The following DPP10 variants were observed in gnomAD, a reference collection of about 807,000 sequenced individuals.
The protein encoded by DPP10 is dipeptidyl peptidase like 10, also known as inactive dipeptidyl peptidase 10.
In DPP10, 33 loss-of-function variants were observed where a neutral mutation model predicts 120.9. The ratio of observed to expected loss-of-function variants is 0.27; its 90% CI spans 0.21 to 0.37. DPP10 has a LOEUF of 0.37. Among genes scored for constraint, DPP10 ranks in the 10% least tolerant of loss-of-function variants. DPP10 has a pLI of 1.00. For synonymous variants in DPP10, 337 were observed against 326.1 expected (o/e 1.03, Z -0.36); for missense variants, 816 against 942.8 (o/e 0.87, Z 1.76).
chr2:115,577,971 C>T (rs74942327), intron 5 of DPP10, among the ~76,000 whole-genome samples: 2,264 of 152,268 alleles, frequency 0.015, 26 homozygotes, highest in Non-Finnish European at 0.02. Flanking sequence ...AACATTATTA[C>T]AATTATTAAT....
At chr2:114,454,972 A>G (rs552904039) in intron 1 of DPP10, among the ~76,000 whole-genome samples, 4 of 152,120 alleles carry the variant, frequency 2.6e-5, no homozygotes, top group Admixed American at 6.5e-5. Flanking sequence ...TTGCTAAATA[A>G]ATGAGTGAGT....
At chr2:115,617,849 T>G (rs1416341312) in intron 5 of DPP10, among the ~76,000 whole-genome samples, 1 of 152,198 alleles carries the variant, frequency 6.6e-6, no homozygotes, top group Non-Finnish European at 1.5e-5. Flanking sequence ...AGATATAAAT[T>G]ACACACAGTA....
intron 1 of DPP10, among the ~76,000 whole-genome samples, chr2:114,495,640 T>A (rs183797419): frequency 4.9e-4 from 75 of 152,326 alleles, no homozygotes; most frequent in African/African-American, 1.8e-3. Flanking sequence ...TCTGTAAGTA[T>A]GCCAAAAGAA....
chr2:115,630,434 A>G (rs552371579), intron 5 of DPP10, among the ~76,000 whole-genome samples: 47 of 152,278 alleles, frequency 3.1e-4, no homozygotes, highest in African/African-American at 1.1e-3. Context: ...CAGAACTTCA[A>G]ATACTATGTT....
intron 1 of DPP10, among the ~76,000 whole-genome samples, chr2:114,773,867 T>C (rs1315597104): frequency 1.3e-5 from 2 of 152,224 alleles, no homozygotes; most frequent in East Asian, 1.9e-4. Context: ...TAAATAGTTA[T>C]CTGCTAGTGA....
At chr2:115,266,326 A>G (rs978432971) in intron 1 of DPP10, among the ~76,000 whole-genome samples, 2 of 152,192 alleles carry the variant, frequency 1.3e-5, no homozygotes, top group African/African-American at 4.8e-5. Context: ...TGTAAAAAAT[A>G]TTTAGGAAGG....
chr2:115,737,542 C>A (rs985397915), intron 8 of DPP10, among the ~76,000 whole-genome samples: 6 of 152,124 alleles, frequency 3.9e-5, no homozygotes, highest in Non-Finnish European at 7.4e-5. Context: ...AGGCTCCACA[C>A]AGCATCTCTA....
At chr2:115,362,002 GTATGTTTTGTGTGTA>G (rs1370149186) in intron 3 of DPP10, among the ~76,000 whole-genome samples, 1 of 16,508 alleles carries the variant, frequency 6.1e-5, no homozygotes, top group African/African-American at 1.5e-4. Context: ...GTTTGTGTGT[GTATGTTTTGTGTGTA>G]TGTTTTTGTG....
chr2:115,463,256 T>TGA (rs1175238651), intron 3 of DPP10, among the ~76,000 whole-genome samples: 4 of 152,198 alleles, frequency 2.6e-5, no homozygotes, highest in Non-Finnish European at 5.9e-5. Flanking sequence ...GATTCAGCTC[T>TGA]GAGATTCCTA....
At chr2:114,852,391 A>AT (rs1689020691) in intron 1 of DPP10, among the ~76,000 whole-genome samples, 1 of 151,710 alleles carries the variant, frequency 6.6e-6, no homozygotes, top group Non-Finnish European at 1.5e-5. Context: ...GAGGGAAAAT[A>AT]TTTTTTTAAA....
intron 7 of DPP10, among the ~76,000 whole-genome samples, chr2:115,697,742 T>TTAGGAGGCTGAGGCGGGCGG (rs1268699314): frequency 1.5e-4 from 23 of 151,998 alleles, no homozygotes; most frequent in Non-Finnish European, 2.9e-4. Flanking sequence ...TCCCAGCACT[T>TTAGGAGGCTGAGGCGGGCGG]TAGGAGGCTG....
chr2:114,936,362 T>C (rs1696467559), intron 1 of DPP10, among the ~76,000 whole-genome samples: 1 of 151,854 alleles, frequency 6.6e-6, no homozygotes, highest in Non-Finnish European at 1.5e-5. Flanking sequence ...TGTATATATA[T>C]ATGTGTGTGT....
chr2:114,505,051 C>CAAAAAAAAAAA (rs3061538), intron 1 of DPP10, among the ~76,000 whole-genome samples: 5 of 44,896 alleles, frequency 1.1e-4, no homozygotes, highest in East Asian at 2.0e-3. Flanking sequence ...GACTCTGTCT[C>CAAAAAAAAAAA]AAAAAAAAAA....
chr2:115,517,029 G>T (rs935511452), intron 4 of DPP10, among the ~76,000 whole-genome samples: 1 of 152,082 alleles, frequency 6.6e-6, no homozygotes, highest in Non-Finnish European at 1.5e-5. Flanking sequence ...AATGTCATTT[G>T]TGTTTTTACT....
intron 1 of DPP10, among the ~76,000 whole-genome samples, chr2:115,069,996 G>GTGTCTGCAT (rs1381591351): frequency 6.6e-6 from 1 of 151,894 alleles, no homozygotes; most frequent in Non-Finnish European, 1.5e-5. Context: ...TGTTTATATA[G>GTGTCTGCAT]TGTCTGCATT....
At chr2:115,028,672 C>T (rs550379336) in intron 1 of DPP10, among the ~76,000 whole-genome samples, 1 of 152,058 alleles carries the variant, frequency 6.6e-6, no homozygotes, top group African/African-American at 2.4e-5. Context: ...CCTACTCTTA[C>T]TATACTGAAG....
intron 1 of DPP10, among the ~76,000 whole-genome samples, chr2:114,873,290 T>C (rs1690848695): frequency 6.6e-6 from 1 of 152,092 alleles, no homozygotes; most frequent in Non-Finnish European, 1.5e-5. Context: ...GATGAATTGA[T>C]GAAATGGCAG....
At chr2:114,539,124 T>TTA (rs1686750739) in intron 1 of DPP10, among the ~76,000 whole-genome samples, 2 of 149,480 alleles carry the variant, frequency 1.3e-5, no homozygotes, top group Non-Finnish European at 3.0e-5. Flanking sequence ...AAATTGTATT[T>TTA]TATATATATA....
chr2:115,073,554 A>C (rs182351289), intron 1 of DPP10, among the ~76,000 whole-genome samples: 1 of 152,224 alleles, frequency 6.6e-6, no homozygotes, highest in Admixed American at 6.5e-5. Context: ...TGATTCTGTT[A>C]CTGTATAACC....
Sources: allele counts gnomAD v4.1 joint callset (sites outside exome capture counted in the v4.1 genomes callset), GRCh38; gene constraint gnomAD v4.1.1; transcripts MANE v1.5; gene names NCBI Gene and HGNC (gene_info 2026-07-23, HGNC 2026-07-21).